Variants in FERMT2 observed in about 807,000 individuals in gnomAD.
FERMT2 encodes fermitin family homolog 2.
FERMT2 carries 15 observed loss-of-function variants against 82.7 expected under a neutral mutation model. That is an observed-to-expected ratio of 0.18 (90% confidence interval 0.12 to 0.28). The LOEUF is 0.28. Among genes scored for constraint, FERMT2 ranks in the 10% least tolerant of loss-of-function variants. The probability of loss-of-function intolerance (pLI) is 1.00; values close to 1 mark genes in which losing one functional copy is unlikely to be tolerated. For synonymous variants in FERMT2, 274 were observed against 271.5 expected (o/e 1.01, Z -0.09); for missense variants, 645 against 809.4 (o/e 0.80, Z 2.46).
At chr14:52,915,733 A>G (rs558628942) in intron 3 of FERMT2, among the ~76,000 whole-genome samples, 2 of 152,342 alleles carry the variant, frequency 1.3e-5, no homozygotes, top group South Asian at 4.1e-4. Flanking sequence ...AATACCCCAC[A>G]AACACAAACC....
At chr14:52,902,456 G>A (rs1469222570) in intron 3 of FERMT2, among the ~76,000 whole-genome samples, 1 of 151,760 alleles carries the variant, frequency 6.6e-6, no homozygotes, top group Non-Finnish European at 1.5e-5. Flanking sequence ...AACAACAGAG[G>A]GGGAAGGGTC....
chr14:52,858,111 A>ATGGTT lies in FERMT2; in HGVS notation c.*261_*265dup, dbSNP rs1357654778. On this transcript the variant is annotated 3_prime_UTR_variant, in exon 15 of 15. Transcript: ENST00000341590. The stretch of plus-strand genomic sequence containing the variant: ...GCTAGCTTAAATCAGTAAATCAGTG[A>ATGGTT]TGGTTTGTTCCTGATTTGCCCACTA... The ATGGTT allele has an allele frequency of 2.5e-6, 1 of 406,404 alleles. No homozygotes were observed. The highest frequency in any genetic ancestry group is 4.5e-6 in the Non-Finnish European group (1 of 222,922). 25.2% of individuals were successfully genotyped at this position (406,404 alleles called of 1,614,324 possible).
chr14:52,884,090 C>G (rs1352371409), intron 4 of FERMT2, among the ~76,000 whole-genome samples: 1 of 152,182 alleles, frequency 6.6e-6, no homozygotes, highest in South Asian at 2.1e-4. Flanking sequence ...AGCCACCCAC[C>G]CAAATCTGCG....
At position 52,893,422 on chromosome 14, in the gene FERMT2, T is replaced by C; in HGVS notation, c.397A>G (p.Arg133Gly). Residue 133 changes from arginine (R) to glycine (G), a missense_variant, in exon 4 of 15, where the codon AGA becomes GGA. Transcript: ENST00000341590. The part of the protein sequence containing the change: ...VSDICKTFNI[R>G]HPEELSLLKK... ...AAGAGAGAAAGTTCTTCGGGGTGTC[T>C]GATATCTGTTAATAAAATAGATTGT... The C allele has an allele frequency of 6.3e-7, 1 of 1,589,186 alleles. No homozygotes were observed.
At position 52,950,505 on chromosome 14, in the gene FERMT2, C is replaced by G; in HGVS notation, c.64G>C (p.Val22Leu). The G allele has an allele frequency of 1.2e-6, 2 of 1,614,140 alleles. No individual in the cohort carries two copies. The highest frequency in any genetic ancestry group is 1.7e-6 in the Non-Finnish European group (2 of 1,180,008). The part of the protein sequence containing the change: ...CYADGTWELS[V>L]HVTDLNRDVT... Reference sequence around the variant, plus strand: ...TCGCGGTTCAGGTCCGTCACATGGACACTCAGTTCCCACGTCCCGTCCGCG... The same window carrying G: ...TCGCGGTTCAGGTCCGTCACATGGAGACTCAGTTCCCACGTCCCGTCCGCG... Residue 22 changes from valine to leucine, a missense_variant, in exon 2 of 15, where the codon GTC becomes CTC. Coordinates refer to ENST00000341590, the MANE Select transcript of FERMT2 (RefSeq NM_006832.3).
At chr14:52,890,107 G>C (rs1459676578) in intron 4 of FERMT2, among the ~76,000 whole-genome samples, 1 of 148,942 alleles carries the variant, frequency 6.7e-6, no homozygotes, top group Non-Finnish European at 1.5e-5. Context: ...GTGACACAGT[G>C]AGACTGTGTC....
In FERMT2 at chr14:52,860,291, A is replaced by C. The variant is rs1255434384; in HGVS notation, c.1727+50T>G. 3.8e-6 allele frequency: 6 copies of C among 1,586,058 alleles called. No individual in the cohort carries two copies. The Admixed American group carries it at 8.6e-5, about 23-fold the overall frequency. On this transcript the variant is annotated intron_variant, in intron 13 of 14. Coordinates refer to ENST00000341590, the MANE Select transcript of FERMT2 (RefSeq NM_006832.3). ...AATATCTAATTACATGAGGTAGATT[A>C]AGCAAAAATGCAGATTAAGGTTTAC...
At chr14:52,890,236 A>G (rs1372792450) in intron 4 of FERMT2, among the ~76,000 whole-genome samples, 36 of 151,774 alleles carry the variant, frequency 2.4e-4, no homozygotes, top group South Asian at 6.2e-4. Flanking sequence ...GGAGGTGAGG[A>G]GTTCGAGACC....
At chr14:52,932,773 C>A (rs998841879) in intron 2 of FERMT2, among the ~76,000 whole-genome samples, 1 of 152,120 alleles carries the variant, frequency 6.6e-6, no homozygotes, top group African/African-American at 2.4e-5. Context: ...TCCTAAATTA[C>A]TCTTAATCTA....
intron 10 of FERMT2, among the ~76,000 whole-genome samples, chr14:52,868,200 C>T (rs112110535): frequency 1.8e-4 from 26 of 144,826 alleles, no homozygotes; most frequent in Non-Finnish European, 3.2e-4. Flanking sequence ...TCCAGCAGCA[C>T]AAAACTCTCT....
At chr14:52,942,946 C>T (rs1442164637) in intron 2 of FERMT2, among the ~76,000 whole-genome samples, 2 of 152,148 alleles carry the variant, frequency 1.3e-5, no homozygotes, top group Non-Finnish European at 2.9e-5. Flanking sequence ...GGCGTGGTGG[C>T]TGATGCCTGT....
intron 3 of FERMT2, among the ~76,000 whole-genome samples, chr14:52,901,596 G>A (rs1327883799): frequency 6.6e-6 from 1 of 152,216 alleles, no homozygotes; most frequent in African/African-American, 2.4e-5. Flanking sequence ...AATTCAGACA[G>A]AAGACCTTGA....
intron 4 of FERMT2, among the ~76,000 whole-genome samples, chr14:52,890,300 C>T (rs62003531): frequency 0.77 from 115,109 of 150,386 alleles, 46,774 homozygotes; most frequent in Non-Finnish European, 0.89. Context: ...AAAAATTAGC[C>T]GGGTGTGGTG....
intron 2 of FERMT2, among the ~76,000 whole-genome samples, chr14:52,945,190 C>T (rs746981850): frequency 2.0e-5 from 3 of 151,930 alleles, no homozygotes; most frequent in African/African-American, 4.8e-5. Flanking sequence ...GGATTACAGG[C>T]GTAAGTTACC....
At chr14:52,860,189 C>T in intron 13 of FERMT2, 152 bp downstream of exon 13, 1 of 594,344 alleles carries the variant, frequency 1.7e-6, no homozygotes, top group South Asian at 2.9e-5. Context: ...TAAAAGCTTA[C>T]AAAATACATT....
intron 3 of FERMT2, among the ~76,000 whole-genome samples, chr14:52,899,371 C>A (rs1470336225): frequency 2.0e-5 from 3 of 152,190 alleles, no homozygotes; most frequent in African/African-American, 7.2e-5. Context: ...CAACCTCTGC[C>A]TCCTGGGCTC....
chr14:52,874,054 C>A, intron 9 of FERMT2, 123 bp downstream of exon 9: 1 of 498,820 alleles, frequency 2.0e-6, no homozygotes, highest in Non-Finnish European at 3.5e-6. Flanking sequence ...GTTCACCTAA[C>A]TGGTAAATCC....
intron 2 of FERMT2, among the ~76,000 whole-genome samples, chr14:52,939,239 G>A (rs1170887758): frequency 6.6e-6 from 1 of 150,660 alleles, no homozygotes; most frequent in Non-Finnish European, 1.5e-5. Flanking sequence ...AGGGCATGGT[G>A]GTGCGTGCCT....
intron 7 of FERMT2, among the ~76,000 whole-genome samples, chr14:52,877,574 C>CTTTTCTTT (rs1886041360): frequency 1.5e-5 from 1 of 67,060 alleles, no homozygotes; most frequent in African/African-American, 6.1e-5. Context: ...GCTGTTCTTG[C>CTTTTCTTT]TTTTTTTTTT....
Sources: allele counts gnomAD v4.1 joint callset (sites outside exome capture counted in the v4.1 genomes callset), GRCh38; gene constraint gnomAD v4.1.1; transcripts MANE v1.5; gene names NCBI Gene and HGNC (gene_info 2026-07-23, HGNC 2026-07-21).